Variants in MAP2K5 observed in about 807,000 individuals in gnomAD.
MAP2K5 encodes the protein dual specificity mitogen-activated protein kinase kinase 5.
A neutral mutation model predicts 83.1 loss-of-function variants in MAP2K5; 49 were observed. The observed-to-expected ratio is 0.59, with a 90% CI of 0.47 to 0.75. The LOEUF (loss-of-function observed/expected upper bound fraction) is 0.75. MAP2K5 is among the 30% of genes least tolerant of loss of function. The probability of loss-of-function intolerance (pLI) is 0.00; values close to 1 mark genes in which losing one functional copy is unlikely to be tolerated. For synonymous variants in MAP2K5, 202 were observed against 191.8 expected, an observed-to-expected ratio of 1.05 and a Z score of -0.44; for missense variants, 457 against 557.5, an observed-to-expected ratio of 0.82 and a Z score of 1.82.
At chr15:67,653,899 T>G (rs771130418) in intron 11 of MAP2K5, among the ~76,000 whole-genome samples, 1 of 152,170 alleles carries the variant, frequency 6.6e-6, no homozygotes, top group Non-Finnish European at 1.5e-5. Context: ...TCAAAGTATT[T>G]TCCATTTTTC....
chr15:67,797,779 T>A (rs936765924), intron 21 of MAP2K5, among the ~76,000 whole-genome samples: 2 of 151,836 alleles, frequency 1.3e-5, no homozygotes, highest in Admixed American at 1.3e-4. Flanking sequence ...GCCTCCTGGG[T>A]TCAAGCAGTT....
intron 20 of MAP2K5, among the ~76,000 whole-genome samples, chr15:67,772,122 A>G (rs1328043397): frequency 6.6e-6 from 1 of 152,260 alleles, no homozygotes; most frequent in African/African-American, 2.4e-5. Flanking sequence ...TGAATTATCA[A>G]CTTGCCTTGT....
intron 8 of MAP2K5, among the ~76,000 whole-genome samples, chr15:67,617,755 G>A (rs911541443): frequency 1.1e-4 from 17 of 152,034 alleles, no homozygotes; most frequent in South Asian, 2.1e-4. Context: ...GCAGTGATAC[G>A]ATCATGGCTT....
chr15:67,657,975 A>G (rs1228235219), intron 11 of MAP2K5, among the ~76,000 whole-genome samples: 1 of 152,130 alleles, frequency 6.6e-6, no homozygotes, highest in Non-Finnish European at 1.5e-5. Context: ...AGCCTCTGAT[A>G]GGAAAAAATA....
intron 9 of MAP2K5, among the ~76,000 whole-genome samples, chr15:67,642,941 CAT>C: frequency 6.6e-6 from 1 of 152,238 alleles, no homozygotes; most frequent in South Asian, 2.1e-4. Context: ...TCTTAATAGT[CAT>C]ATATCTTAGC....
At chr15:67,560,662 T>C (rs533144761) in intron 2 of MAP2K5, among the ~76,000 whole-genome samples, 2 of 152,384 alleles carry the variant, frequency 1.3e-5, no homozygotes, top group East Asian at 3.9e-4. Flanking sequence ...CTTAAGCAAA[T>C]GCTCTTGTAA....
At chr15:67,592,857 G>T in intron 6 of MAP2K5, 69 bp from the exon 7 acceptor site, 1 of 1,029,918 alleles carries the variant, frequency 9.7e-7, no homozygotes, top group Non-Finnish European at 1.5e-6. Flanking sequence ...GTGTATTTCA[G>T]TCTGGAATTT....
chr15:67,714,413 GGAAA>G lies in MAP2K5; in HGVS notation c.1044+11006_1044+11009del, dbSNP rs2088777885. Among the ~76,000 whole-genome samples the G allele has an allele frequency of 1.6e-4, 7 of 42,682 alleles. 3 individuals carry two copies. The highest frequency in any genetic ancestry group is 3.9e-4 in the African/African-American group (5 of 12,740). 28.0% of individuals were successfully genotyped at this position (42,682 alleles called of 152,430 possible). On this transcript the variant is annotated intron_variant, in intron 16 of 21. Coordinates refer to ENST00000178640, the MANE Select transcript of MAP2K5 (RefSeq NM_145160.3). ...CCCCCCACCCCTACCCAGCTGCCAG[GGAAA>G]AAAAAAAAAAAAAAAAAAAAAAAAA...
chr15:67,669,001 A>G (rs2087457223), intron 13 of MAP2K5, among the ~76,000 whole-genome samples: 1 of 152,160 alleles, frequency 6.6e-6, no homozygotes, highest in Non-Finnish European at 1.5e-5. Flanking sequence ...TAGTTTCAGT[A>G]TACATGTTAC....
chr15:67,739,543 C>T (rs1160953789), intron 17 of MAP2K5, among the ~76,000 whole-genome samples: 3 of 130,974 alleles, frequency 2.3e-5, no homozygotes, highest in African/African-American at 5.8e-5. Flanking sequence ...TGCAGTGGTG[C>T]AATCTCAGCT....
At position 67,748,024 on chromosome 15, in the gene MAP2K5, GTGT is replaced by G. The variant is rs1201155713; in HGVS notation, c.1075-203_1075-201del. On this transcript the variant is annotated intron_variant, in intron 17 of 21. Transcript: ENST00000178640. The surrounding 1 kb of genome is among the most constrained non-coding windows in gnomAD (Gnocchi z 4.0). ...AATACAACCTGGAGGGTACTAAAAA[GTGT>G]TGTGTGAAATTAACATTCTGCTGAC... 6.6e-6 allele frequency among the ~76,000 whole-genome samples: 1 copy of G among 152,190 alleles called. No homozygotes were observed. The highest frequency in any genetic ancestry group is 6.5e-5 in the Admixed American group (1 of 15,284).
At chr15:67,732,098 A>G (rs908647791) in intron 17 of MAP2K5, among the ~76,000 whole-genome samples, 1 of 152,236 alleles carries the variant, frequency 6.6e-6, no homozygotes, top group African/African-American at 2.4e-5. Context: ...GCATTTTTAA[A>G]TATCTTGCGA....
intron 11 of MAP2K5, among the ~76,000 whole-genome samples, chr15:67,657,352 A>T (rs927794392): frequency 1.3e-5 from 2 of 152,188 alleles, no homozygotes; most frequent in Non-Finnish European, 2.9e-5. Flanking sequence ...GGATTGGTCC[A>T]GTAAGCTGCA....
At chr15:67,703,483 A>G in intron 16 of MAP2K5, 75 bp downstream of exon 16, 1 of 1,248,176 alleles carries the variant, frequency 8.0e-7, no homozygotes, top group Middle Eastern at 1.9e-4. Context: ...GAAGATTTTG[A>G]AAGAATAAGC....
intron 2 of MAP2K5, among the ~76,000 whole-genome samples, chr15:67,557,432 C>G (rs1030233630): frequency 6.6e-6 from 1 of 152,164 alleles, no homozygotes; most frequent in Admixed American, 6.5e-5. Flanking sequence ...CTTGTCAAAC[C>G]GTGTGTCTGA....
intron 4 of MAP2K5, chr15:67,585,596 A>G (rs778714989): frequency 5.8e-6 from 2 of 346,844 alleles, no homozygotes; most frequent in Non-Finnish European, 1.1e-5. Context: ...CAGAAATTTG[A>G]ATTATGAAAG....
At chr15:67,692,702 A>G in intron 14 of MAP2K5, 150 bp downstream of exon 14, 1 of 601,788 alleles carries the variant, frequency 1.7e-6, no homozygotes, top group South Asian at 2.2e-5. Context: ...ATTCATTTTT[A>G]ATCTCTGAGC....
intron 6 of MAP2K5, among the ~76,000 whole-genome samples, chr15:67,591,372 T>TTTATTA (rs572288335): frequency 6.7e-6 from 1 of 149,642 alleles, no homozygotes; most frequent in Non-Finnish European, 1.5e-5. Flanking sequence ...GTTAACAGGC[T>TTTATTA]TTATTATTAT....
At chr15:67,592,864 ATT>A in intron 6 of MAP2K5, 60 bp from the exon 7 acceptor site, 4 of 1,131,554 alleles carry the variant, frequency 3.5e-6, no homozygotes, top group Non-Finnish European at 5.3e-6. Flanking sequence ...TCAGTCTGGA[ATT>A]TTCAGTGGTG....
Sources: allele counts gnomAD v4.1 joint callset (sites outside exome capture counted in the v4.1 genomes callset), GRCh38; gene constraint gnomAD v4.1.1; non-coding constraint Gnocchi (gnomAD v3.1); transcripts MANE v1.5; gene names NCBI Gene and HGNC (gene_info 2026-07-23, HGNC 2026-07-21).